TGFBRAP1: variants seen among roughly 807,000 people sequenced by gnomAD.
The protein encoded by TGFBRAP1 is transforming growth factor-beta receptor-associated protein 1.
In TGFBRAP1, 20 loss-of-function variants were observed where a neutral mutation model predicts 83.2. The ratio of observed to expected loss-of-function variants is 0.24; its 90% confidence interval spans 0.17 to 0.35. The LOEUF is 0.35. TGFBRAP1 is among the 10% of genes least tolerant of loss of function. TGFBRAP1 has a pLI of 1.00. For missense variants in TGFBRAP1, 950 were observed against 1,099.4 expected (o/e 0.86, Z 1.92); for synonymous variants, 415 against 459.8 (o/e 0.90, Z 1.25).
At chr2:105,271,722 T>A (rs1677160468) in intron 10 of TGFBRAP1, among the ~76,000 whole-genome samples, 2 of 152,226 alleles carry the variant, frequency 1.3e-5, no homozygotes, top group African/African-American at 4.8e-5. Flanking sequence ...GCATATCTAG[T>A]CAATCCTCAT....
At chr2:105,293,329 T>C (rs1225247665) in intron 4 of TGFBRAP1, among the ~76,000 whole-genome samples, 1 of 152,244 alleles carries the variant, frequency 6.6e-6, no homozygotes, top group African/African-American at 2.4e-5. Context: ...AAATACAGCA[T>C]TCTAAACTGT....
intron 4 of TGFBRAP1, among the ~76,000 whole-genome samples, chr2:105,292,927 G>A (rs1019653746): frequency 6.6e-6 from 1 of 152,132 alleles, no homozygotes; most frequent in Non-Finnish European, 1.5e-5. Flanking sequence ...GAACCACACA[G>A]AGGAGAACTA....
chr2:105,307,789 G>A lies in TGFBRAP1; in HGVS notation c.513C>T (p.Leu171=), dbSNP rs200328199. The A allele has an allele frequency of 1.7e-5, 28 of 1,614,060 alleles. No individual in the cohort carries two copies. Among genetic ancestry groups the A allele is most frequent in the African/African-American group, 2.7e-5 (2 of 74,916 alleles). The change falls in exon 2 of 12, where the codon CTC becomes CTT. Residue 171 remains leucine (L), a synonymous_variant. Coordinates refer to ENST00000393359, the MANE Select transcript of TGFBRAP1 (RefSeq NM_004257.6). ...VKEVSTAEQP[L]AVAVDGHFLC... ...GGAAGTGGCCGTCCACAGCCACAGC[G>A]AGGGGCTGCTCGGCAGTCGACACCT...
chr2:105,257,057 A>G, the TGFBRAP1 span, among the ~76,000 whole-genome samples: 1 of 152,224 alleles, frequency 6.6e-6, no homozygotes, highest in Non-Finnish European at 1.5e-5. Flanking sequence ...AGAAATAACC[A>G]TAAAAATGGG....
At position 105,308,309 on chromosome 2, in the gene TGFBRAP1, G is replaced by GGCTGATCT; in HGVS notation, c.-16_-9dup. ...GGCTTTGATGCTCATCATGTCTACT[G>GGCTGATCT]GCTGATCTGCTGGAAGAGAAAGAGG... On this transcript the variant is annotated 5_prime_UTR_variant, in exon 2 of 12. Transcript: ENST00000393359. 6.3e-7 allele frequency: 1 copy of GGCTGATCT among 1,595,252 alleles called. No individual in the cohort carries two copies. The highest frequency in any genetic ancestry group is 8.6e-7 in the Non-Finnish European group (1 of 1,166,014).
intron 2 of TGFBRAP1, among the ~76,000 whole-genome samples, chr2:105,300,484 T>G (rs1379547446): frequency 6.8e-6 from 1 of 146,184 alleles, no homozygotes; most frequent in Non-Finnish European, 1.5e-5. Flanking sequence ...TTGCCCAGGC[T>G]GGAGTGCAGT....
the TGFBRAP1 span, among the ~76,000 whole-genome samples, chr2:105,253,993 C>T: frequency 6.6e-6 from 1 of 151,434 alleles, no homozygotes; most frequent in Non-Finnish European, 1.5e-5. Flanking sequence ...TTTCTGGTGG[C>T]CAGGAGTTCT....
intron 2 of TGFBRAP1, among the ~76,000 whole-genome samples, chr2:105,303,889 G>T (rs1678393619): frequency 6.6e-6 from 1 of 152,110 alleles, no homozygotes; most frequent in Non-Finnish European, 1.5e-5. Context: ...CACCATACAT[G>T]AAACCATCCA....
intron 5 of TGFBRAP1, among the ~76,000 whole-genome samples, chr2:105,284,107 T>C (rs1040850497): frequency 3.3e-5 from 5 of 152,060 alleles, no homozygotes; most frequent in Admixed American, 2.0e-4. Context: ...CTCTAAGACA[T>C]AGGCCAGTTA....
chr2:105,316,462 T>TGCGCGCGCGCGCCC (rs1678870791), intron 1 of TGFBRAP1, among the ~76,000 whole-genome samples: 1 of 84,816 alleles, frequency 1.2e-5, no homozygotes, highest in Non-Finnish European at 2.3e-5. Context: ...TGTGTGTGTG[T>TGCGCGCGCGCGCCC]GCGCGCGCGC....
At chr2:105,256,760 G>A in the TGFBRAP1 span, among the ~76,000 whole-genome samples, 1 of 152,140 alleles carries the variant, frequency 6.6e-6, no homozygotes, top group Non-Finnish European at 1.5e-5. Context: ...GAAACCTACT[G>A]GGCTGCATTC....
intron 1 of TGFBRAP1, among the ~76,000 whole-genome samples, chr2:105,316,462 TGCGCGCGC>T (rs764527678): frequency 0.064 from 5,424 of 84,388 alleles, 149 homozygotes; most frequent in Admixed American, 0.1. Flanking sequence ...TGTGTGTGTG[TGCGCGCGC>T]GCGCGCGCGC....
In TGFBRAP1 at chr2:105,310,665, A is replaced by C. The variant is rs536299586; in HGVS notation, c.-17-2347T>G. ...GCTTCTACAAATAGTCTCTGGCACA[A>C]ACAGCTCTTAAACAACATCATGTAT... On this transcript the variant is annotated intron_variant, in intron 1 of 11. Transcript: ENST00000393359. Among the ~76,000 whole-genome samples the C allele has an allele frequency of 2.0e-4, 31 of 152,294 alleles. No individual in the cohort carries two copies. The South Asian group carries it at 6.4e-3, about 32-fold the overall frequency.
intron 1 of TGFBRAP1, among the ~76,000 whole-genome samples, chr2:105,327,911 T>C (rs112226561): frequency 0.042 from 6,375 of 152,294 alleles, 154 homozygotes; most frequent in Middle Eastern, 0.075. Flanking sequence ...CATAGCAAAT[T>C]GGAATTCAGA....
chr2:105,299,262 C>A (rs890220944), intron 2 of TGFBRAP1, among the ~76,000 whole-genome samples: 1 of 152,106 alleles, frequency 6.6e-6, no homozygotes, highest in Non-Finnish European at 1.5e-5. Flanking sequence ...GCCTGGGCGA[C>A]AGAGTGAGAA....
chr2:105,297,377 T>C (rs1348723457), intron 3 of TGFBRAP1, among the ~76,000 whole-genome samples: 1 of 152,218 alleles, frequency 6.6e-6, no homozygotes, highest in Non-Finnish European at 1.5e-5. Context: ...CTTCTCTGTG[T>C]GTCCACCACA....
downstream of TGFBRAP1, among the ~76,000 whole-genome samples, chr2:105,262,701 GC>G (rs1676817543): frequency 6.6e-6 from 1 of 152,172 alleles, no homozygotes; most frequent in African/African-American, 2.4e-5. Flanking sequence ...CTGTTGAGTT[GC>G]GTGCGTTGCT....
chr2:105,275,716 CAAAAAGAA>C lies in TGFBRAP1; in HGVS notation c.1522-21_1522-14del. The C allele has an allele frequency of 6.4e-7, 1 of 1,566,314 alleles. No homozygotes were observed. Among genetic ancestry groups the C allele is most frequent in the Non-Finnish European group, 8.6e-7 (1 of 1,160,964 alleles). ...TGTTCACCCACAACTGGAAAGGAATCAAAAAGAAAAAAAGAAAAAGAAAAGAAAAAACA... is the reference window on the plus strand; with the variant it reads ...TGTTCACCCACAACTGGAAAGGAATCAAAAAGAAAAAGAAAAGAAAAAACA... On this transcript the variant is annotated splice_polypyrimidine_tract_variant and intron_variant, in intron 7 of 11. Transcript: ENST00000393359.
intron 2 of TGFBRAP1, among the ~76,000 whole-genome samples, chr2:105,299,661 G>C (rs546826261): frequency 6.6e-6 from 1 of 151,938 alleles, no homozygotes; most frequent in Non-Finnish European, 1.5e-5. Context: ...TTGGGAGGCT[G>C]ACACAGGAAG....
Sources: allele counts gnomAD v4.1 joint callset (sites outside exome capture counted in the v4.1 genomes callset), GRCh38; gene constraint gnomAD v4.1.1; transcripts MANE v1.5; gene names NCBI Gene and HGNC (gene_info 2026-07-23, HGNC 2026-07-21).